The following CREBBP variants were observed in gnomAD, a reference collection of about 807,000 sequenced individuals.
CREBBP encodes the protein CREB-binding protein.
CREBBP carries 19 observed loss-of-function variants against 265.0 expected under a neutral mutation model. That is an observed-to-expected ratio of 0.07 (90% CI 0.05 to 0.11). The LOEUF is 0.11. Among genes scored for constraint, CREBBP ranks in the 10% least tolerant of loss-of-function variants. The pLI is 1.00. For missense variants in CREBBP, 2,525 were observed against 3,219.0 expected (o/e 0.78, Z 5.22); for synonymous variants, 1,457 against 1,223.7 (o/e 1.19, Z -3.98).
chr16:3,752,982 T>A (rs1324827697), intron 19 of CREBBP, among the ~76,000 whole-genome samples: 1 of 152,054 alleles, frequency 6.6e-6, no homozygotes, highest in African/African-American at 2.4e-5. Flanking sequence ...AAGAATACCG[T>A]AAGAATAAAC....
intron 2 of CREBBP, among the ~76,000 whole-genome samples, chr16:3,817,909 T>A (rs1001495369): frequency 2.0e-5 from 3 of 152,190 alleles, no homozygotes; most frequent in African/African-American, 7.2e-5. Flanking sequence ...TAAGAATACC[T>A]GTCCTTGGAG....
intron 23 of CREBBP, among the ~76,000 whole-genome samples, chr16:3,744,561 A>C (rs989487281): frequency 9.2e-5 from 14 of 152,192 alleles, no homozygotes; most frequent in African/African-American, 3.4e-4. Context: ...CCACAGCCCA[A>C]GGCTGCGAGT....
chr16:3,843,812 T>C (rs1015072361), intron 2 of CREBBP, among the ~76,000 whole-genome samples: 3 of 152,154 alleles, frequency 2.0e-5, no homozygotes, highest in African/African-American at 4.8e-5. Flanking sequence ...CTTCATGTAA[T>C]AGATAATTCC....
chr16:3,748,642 C>T (rs1176500289), intron 21 of CREBBP, among the ~76,000 whole-genome samples: 3 of 152,302 alleles, frequency 2.0e-5, no homozygotes, highest in South Asian at 4.1e-4. Context: ...TCACAGCCCA[C>T]ACTTCCCAAG....
intron 16 of CREBBP, among the ~76,000 whole-genome samples, chr16:3,761,354 G>C (rs72760818): frequency 2.1e-3 from 315 of 152,320 alleles, no homozygotes; most frequent in Admixed American, 5.8e-3. Context: ...GAAGCGGCAA[G>C]CATCAGGTAC....
chr16:3,764,365 C>A lies in CREBBP; in HGVS notation c.3250+3355G>T, dbSNP rs187205313. Among the ~76,000 whole-genome samples, 604 of 152,306 alleles carry A rather than the reference C, an allele frequency of 4.0e-3. 3 individuals are homozygous for A. Among genetic ancestry groups the A allele is most frequent in the African/African-American group, 0.014 (585 of 41,568 alleles). On this transcript the variant is annotated intron_variant, in intron 16 of 30. Transcript: ENST00000262367. The stretch of plus-strand genomic sequence containing the variant: ...AATCATGGTTCACTACAGCCTCAAC[C>A]TCCTGGGCTCAAGCAATCTTCCCAC...
In CREBBP at chr16:3,850,420, C is replaced by A. The variant is rs140708841; in HGVS notation, c.675G>T (p.Pro225=). The change falls in exon 2 of 31, where the codon CCG becomes CCT. Residue 225 remains proline (P), a synonymous_variant. Coordinates refer to ENST00000262367, the MANE Select transcript of CREBBP (RefSeq NM_004380.3). Reference sequence around the variant, plus strand: ...CGCCCTGCATGGCTGGAGTAGGGTACGGCATTCCAGCTCCCCTTCCTCTGC... The same window carrying A: ...CGCCCTGCATGGCTGGAGTAGGGTAAGGCATTCCAGCTCCCCTTCCTCTGC... The part of the protein sequence containing the change: ...AAGRGRGAGM[P]YPTPAMQGAS... 6.2e-7 allele frequency: 1 copy of A among 1,614,100 alleles called. No homozygotes were observed. The highest frequency in any genetic ancestry group is 8.5e-7 in the Non-Finnish European group (1 of 1,180,054).
At chr16:3,837,642 T>C (rs2054481314) in intron 2 of CREBBP, among the ~76,000 whole-genome samples, 1 of 150,184 alleles carries the variant, frequency 6.7e-6, no homozygotes, top group South Asian at 2.1e-4. Flanking sequence ...AATAAATAAA[T>C]AAATAATAAA....
At chr16:3,776,607 C>T (rs1187419811) in intron 11 of CREBBP, among the ~76,000 whole-genome samples, 1 of 152,174 alleles carries the variant, frequency 6.6e-6, no homozygotes, top group Non-Finnish European at 1.5e-5. Context: ...GACTGTCTTG[C>T]ATGCTTCTCC....
intron 1 of CREBBP, among the ~76,000 whole-genome samples, chr16:3,874,626 C>A (rs910155527): frequency 1.3e-5 from 2 of 152,150 alleles, no homozygotes; most frequent in African/African-American, 4.8e-5. Context: ...AGTCTGCGGA[C>A]CCATAATAGG....
At chr16:3,780,241 CAAA>C (rs559038927) in intron 8 of CREBBP, among the ~76,000 whole-genome samples, 4 of 53,690 alleles carry the variant, frequency 7.5e-5, no homozygotes, top group Admixed American at 2.0e-4. Flanking sequence ...GACTCTGTCT[CAAA>C]AAAAAAAAAA....
At chr16:3,737,000 C>A in intron 26 of CREBBP, 185 bp from the exon 27 acceptor site, 1 of 704,530 alleles carries the variant, frequency 1.4e-6, no homozygotes. Flanking sequence ...AAATGCAAGC[C>A]TGCAAATTAG....
At chr16:3,864,465 C>T (rs1310492993) in intron 1 of CREBBP, among the ~76,000 whole-genome samples, 1 of 151,888 alleles carries the variant, frequency 6.6e-6, no homozygotes, top group Non-Finnish European at 1.5e-5. Flanking sequence ...GGCAACATAG[C>T]GAAACCCGGT....
intron 12 of CREBBP, 93 bp downstream of exon 12, chr16:3,774,476 A>C (rs973184070): frequency 1.9e-6 from 3 of 1,557,176 alleles, no homozygotes; most frequent in Non-Finnish European, 2.7e-6. Flanking sequence ...AACAAGAACC[A>C]CAGGATTCTC....
rs539499567 is a variant in CREBBP, at chr16:3,875,583, C to CA, written c.85+4248dup. 4.7e-4 allele frequency among the ~76,000 whole-genome samples: 71 copies of CA among 152,342 alleles called. 1 individual carries two copies. In the South Asian group the frequency reaches 0.014, roughly 31 times the overall value. On this transcript the variant is annotated intron_variant, in intron 1 of 30. Transcript: ENST00000262367. ...AAACCTCCCCCTTAGTGATCTCATTCATGTGCGGGAAGGCCGCTACTGAAA... is the reference window on the plus strand; with the variant it reads ...AAACCTCCCCCTTAGTGATCTCATTCAATGTGCGGGAAGGCCGCTACTGAAA...
At chr16:3,748,343 G>A (rs2052395211) in intron 21 of CREBBP, among the ~76,000 whole-genome samples, 2 of 152,068 alleles carry the variant, frequency 1.3e-5, no homozygotes, top group Admixed American at 6.6e-5. Flanking sequence ...GCCAAGGAGA[G>A]AAAGACACAA....
chr16:3,741,086 G>C (rs758922583), intron 23 of CREBBP: 1 of 180,936 alleles, frequency 5.5e-6, no homozygotes, highest in South Asian at 1.2e-4. Context: ...CCATCGCCTC[G>C]TGCGGTGCAC....
Position 3,749,747 on chromosome 16 carries a change from G to A in CREBBP, c.3780-64C>T, listed in dbSNP as rs892323627. 2.8e-5 allele frequency: 30 copies of A among 1,070,658 alleles called. No individual in the cohort carries two copies. The East Asian group carries it at 7.7e-4, about 27-fold the overall frequency. 66.3% of individuals were successfully genotyped at this position (1,070,658 alleles called of 1,614,324 possible). A position where few individuals can be genotyped will look rare whatever the true frequency, so the allele number is the denominator to read the frequency against. On this transcript the variant is annotated intron_variant, in intron 20 of 30. Coordinates refer to ENST00000262367, the MANE Select transcript of CREBBP (RefSeq NM_004380.3). ...ATTTATCTGTTGAGTATAAACTATAGGGTCTCTGGAATGTTATTTTGTAAC... is the reference window on the plus strand; with the variant it reads ...ATTTATCTGTTGAGTATAAACTATAAGGTCTCTGGAATGTTATTTTGTAAC...
chr16:3,736,512 C>T (rs2052065544), intron 27 of CREBBP, 138 bp downstream of exon 27: 6 of 1,311,968 alleles, frequency 4.6e-6, no homozygotes, highest in Non-Finnish European at 6.5e-6. Context: ...TAAGTTCTCA[C>T]TTTAGGCTTT....
Sources: gnomAD v4.1 joint callset for allele counts (sites outside exome capture counted in the v4.1 genomes callset) on GRCh38, gnomAD v4.1.1 for gene constraint, MANE v1.5 for transcripts, NCBI Gene and HGNC (gene_info 2026-07-23, HGNC 2026-07-21) for gene names.